The following SKA2 variants were observed in gnomAD, a reference collection of about 807,000 sequenced individuals.
SKA2 encodes spindle and kinetochore-associated protein 2.
A neutral mutation model predicts 16.9 loss-of-function variants in SKA2; 13 were observed. The observed-to-expected ratio is 0.77, with a 90% CI of 0.50 to 1.22. The LOEUF (loss-of-function observed/expected upper bound fraction) is 1.22. Ranked by LOEUF, SKA2 falls within the 50% of genes most tolerant of loss-of-function variation. The pLI, the probability that SKA2 is intolerant of heterozygous loss-of-function variation, is 0.00. For missense variants in SKA2, 107 were observed against 139.7 expected (o/e 0.77, Z 1.18); for synonymous variants, 47 against 48.5 (o/e 0.97, Z 0.13).
intron 1 of SKA2, among the ~76,000 whole-genome samples, chr17:59,132,623 A>G (rs1326713595): frequency 1.3e-5 from 2 of 152,242 alleles, no homozygotes; most frequent in Non-Finnish European, 2.9e-5. Flanking sequence ...AAGATTGGCC[A>G]CTGCACTCCT....
At chr17:59,144,945 C>T (rs546061773) in intron 1 of SKA2, among the ~76,000 whole-genome samples, 2 of 152,242 alleles carry the variant, frequency 1.3e-5, no homozygotes, top group East Asian at 3.9e-4. Flanking sequence ...TACAGGCACA[C>T]ACCACCACAC....
intron 1 of SKA2, chr17:59,151,836 C>G (rs937847755): frequency 2.0e-5 from 3 of 152,340 alleles, no homozygotes; most frequent in African/African-American, 2.4e-5. Context: ...TCAATGTGCT[C>G]TAAACAGAAC....
chr17:59,136,635 A>G (rs907269003), intron 1 of SKA2, among the ~76,000 whole-genome samples: 2 of 151,202 alleles, frequency 1.3e-5, no homozygotes, highest in Non-Finnish European at 2.9e-5. Context: ...TGCAACCTCC[A>G]CTTCCCGGGT....
At chr17:59,123,874 C>T (rs544570402) in intron 2 of SKA2, among the ~76,000 whole-genome samples, 136 of 152,236 alleles carry the variant, frequency 8.9e-4, no homozygotes, top group African/African-American at 3.2e-3. Context: ...GAAAGGTTAA[C>T]TGACTTGGCT....
chr17:59,126,022 T>A (rs926497901), intron 2 of SKA2, among the ~76,000 whole-genome samples: 3 of 151,598 alleles, frequency 2.0e-5, no homozygotes, highest in Non-Finnish European at 4.4e-5. Flanking sequence ...ATACAAAAAA[T>A]TAGCCGGGCT....
Position 59,113,885 on chromosome 17 carries a change from G to A in SKA2, c.298-1540C>T, listed in dbSNP as rs548085464. ...TCATTCCACAATAACTTCAGAAAAA[G>A]GAAAGACTTCTGGGCTGACTTATTT... On this transcript the variant is annotated intron_variant, in intron 3 of 3. Coordinates refer to ENST00000330137, the MANE Select transcript of SKA2 (RefSeq NM_182620.4). Among the ~76,000 whole-genome samples, 3 of 151,580 alleles carry A rather than the reference G, an allele frequency of 2.0e-5. No individual in the cohort carries two copies. In the East Asian group the frequency reaches 5.8e-4, roughly 29 times the overall value.
At chr17:59,144,799 T>C (rs939642764) in intron 1 of SKA2, among the ~76,000 whole-genome samples, 9 of 151,874 alleles carry the variant, frequency 5.9e-5, no homozygotes, top group Non-Finnish European at 1.3e-4. Context: ...GTATAATGGG[T>C]ATAGAGTTTC....
chr17:59,125,147 A>ATTTTTT (rs10719455), intron 2 of SKA2, among the ~76,000 whole-genome samples: 8 of 95,938 alleles, frequency 8.3e-5, no homozygotes, highest in Non-Finnish European at 1.0e-4. Context: ...CTAATTTTGT[A>ATTTTTT]TTTTTTTTTT....
chr17:59,117,798 T>G (rs755733121), intron 3 of SKA2: 10 of 152,162 alleles, frequency 6.6e-5, no homozygotes, highest in Non-Finnish European at 1.3e-4. Flanking sequence ...CATCATTGAT[T>G]CTAAAATATG....
At chr17:59,135,286 G>T (rs1188828832) in intron 1 of SKA2, among the ~76,000 whole-genome samples, 1 of 149,200 alleles carries the variant, frequency 6.7e-6, no homozygotes, top group Non-Finnish European at 1.5e-5. Context: ...CTAATCAATG[G>T]TATGATGAAA....
chr17:59,127,014 G>C (rs2046376657), intron 2 of SKA2, among the ~76,000 whole-genome samples: 1 of 152,160 alleles, frequency 6.6e-6, no homozygotes, highest in Admixed American at 6.5e-5. Context: ...GTCACAAAAA[G>C]ACAAATATTA....
chr17:59,121,500 C>G (rs1334859674), intron 2 of SKA2, among the ~76,000 whole-genome samples: 2 of 146,138 alleles, frequency 1.4e-5, no homozygotes, highest in Non-Finnish European at 3.0e-5. Flanking sequence ...ACTAAAAATA[C>G]AAAAATTAGC....
intron 1 of SKA2, among the ~76,000 whole-genome samples, chr17:59,145,439 C>G (rs1420841259): frequency 2.0e-5 from 3 of 152,062 alleles, no homozygotes; most frequent in Non-Finnish European, 4.4e-5. Context: ...AATATTTGCC[C>G]TCTCCTTCAG....
intron 3 of SKA2, among the ~76,000 whole-genome samples, chr17:59,116,528 T>G (rs1021497253): frequency 4.6e-5 from 7 of 152,168 alleles, no homozygotes; most frequent in African/African-American, 1.4e-4. Context: ...GTTCTGTATT[T>G]ATTATTTAGT....
chr17:59,154,349 C>T (rs948269133), intron 1 of SKA2, among the ~76,000 whole-genome samples: 1 of 152,098 alleles, frequency 6.6e-6, no homozygotes, highest in African/African-American at 2.4e-5. Context: ...AAAACTAGGA[C>T]AGCCCCCCAG....
chr17:59,154,318 G>GGGAGGGAATAAAGAGAACAAT (rs1214123428), intron 1 of SKA2, among the ~76,000 whole-genome samples: 1 of 152,232 alleles, frequency 6.6e-6, no homozygotes, highest in African/African-American at 2.4e-5. Context: ...AAGAGAACAA[G>GGGAGGGAATAAAGAGAACAAT]TGAGGGACGG....
Position 59,112,182 on chromosome 17 carries a change from C to T in SKA2, c.*95G>A. The T allele has an allele frequency of 1.0e-6, 1 of 960,434 alleles. No homozygotes were observed. The highest frequency in any genetic ancestry group is 1.5e-5 in the South Asian group (1 of 66,280). The allele number at this position is 960,434 out of a possible 1,614,324, so 59.5% of individuals were successfully genotyped here. ...AAGCCAAACCCCCTTCACCAGCCCC[C>T]AATCTCTAGACATCAAGGGTTAACA... is the stretch of plus-strand genomic sequence containing the variant. On this transcript the variant is annotated 3_prime_UTR_variant, in exon 4 of 4. Transcript: ENST00000330137.
chr17:59,121,675 G>A (rs1405515617), intron 2 of SKA2, among the ~76,000 whole-genome samples: 21 of 150,032 alleles, frequency 1.4e-4, no homozygotes, highest in African/African-American at 4.9e-4. Flanking sequence ...AAGGTCGGGC[G>A]CGGTGGCTCA....
At chr17:59,123,487 G>A (rs1213184163) in intron 2 of SKA2, among the ~76,000 whole-genome samples, 3 of 151,522 alleles carry the variant, frequency 2.0e-5, no homozygotes, top group African/African-American at 7.3e-5. Flanking sequence ...AACCTGGGAG[G>A]CGGAGGTTGC....
Sources: gnomAD v4.1 joint callset for allele counts (sites outside exome capture counted in the v4.1 genomes callset) on GRCh38, gnomAD v4.1.1 for gene constraint, MANE v1.5 for transcripts, NCBI Gene and HGNC (gene_info 2026-07-23, HGNC 2026-07-21) for gene names.